The following GSE1 variants were observed in gnomAD, a reference collection of about 807,000 sequenced individuals.
The protein encoded by GSE1 is Gse1 coiled-coil protein.
In GSE1, 32 loss-of-function variants were observed where a neutral mutation model predicts 112.6. The ratio of observed to expected loss-of-function variants is 0.28; its 90% CI spans 0.21 to 0.38. The LOEUF is 0.38. Ranked by LOEUF, GSE1 falls within the 10% of genes least tolerant of loss-of-function variation. GSE1 has a pLI of 1.00. For missense variants in GSE1, 2,348 were observed against 1,699.2 expected (o/e 1.38, Z -6.71); for synonymous variants, 1,115 against 735.6 (o/e 1.52, Z -8.35).
chr16:85,522,249 C>G (rs1490278201), intron 2 of GSE1, among the ~76,000 whole-genome samples: 2 of 152,168 alleles, frequency 1.3e-5, no homozygotes, highest in East Asian at 3.9e-4. Flanking sequence ...TATCCCACCT[C>G]TTTCCCTGCA....
At chr16:85,203,205 T>C (rs970760511) in intron 1 of GSE1, among the ~76,000 whole-genome samples, 3 of 152,078 alleles carry the variant, frequency 2.0e-5, no homozygotes, top group Admixed American at 1.3e-4. Context: ...TTTGCTCCAC[T>C]GTCCTCCTCA....
intron 2 of GSE1, among the ~76,000 whole-genome samples, chr16:85,478,838 A>ATT (rs746356189): frequency 2.6e-4 from 33 of 124,856 alleles, no homozygotes; most frequent in East Asian, 1.5e-3. Flanking sequence ...CCGCTCATTT[A>ATT]TTTTCTTTCT....
rs1240219351 is a variant in GSE1, at chr16:85,188,253, G to A, written c.2283+16446G>A. ...CTGGGCACTGGGCAGCAGTCAGCGG[G>A]CACCTGCTGCCTGACCGTCTGTCTG... On this transcript the variant is annotated intron_variant, in intron 1 of 2. Coordinates refer to the GSE1 transcript ENST00000637419. Among the ~76,000 whole-genome samples, 11 of 140,940 alleles carry A rather than the reference G, an allele frequency of 7.8e-5. No individual in the cohort carries two copies. The East Asian group carries it at 1.3e-3, about 16-fold the overall frequency. 92.5% of individuals were successfully genotyped at this position (140,940 alleles called of 152,430 possible).
intron 2 of GSE1, among the ~76,000 whole-genome samples, chr16:85,495,283 G>C (rs1029000558): frequency 6.6e-5 from 10 of 152,038 alleles, no homozygotes; most frequent in Non-Finnish European, 1.0e-4. Flanking sequence ...AGGGTGGTGT[G>C]GGGGCGAGGA....
intron 1 of GSE1, among the ~76,000 whole-genome samples, chr16:85,238,200 C>A (rs550706727): frequency 1.3e-5 from 2 of 152,276 alleles, no homozygotes; most frequent in South Asian, 4.1e-4. Context: ...GTTTTCTCTG[C>A]CCAGGTTCTC....
chr16:85,649,511 CTG>C (rs1329958840), intron 3 of GSE1, among the ~76,000 whole-genome samples: 1 of 152,206 alleles, frequency 6.6e-6, no homozygotes, highest in African/African-American at 2.4e-5. Context: ...CTCCTTATGT[CTG>C]TGGGCCCCTC....
intron 1 of GSE1, among the ~76,000 whole-genome samples, chr16:85,283,850 C>T (rs1300370681): frequency 2.0e-5 from 3 of 152,190 alleles, no homozygotes; most frequent in African/African-American, 7.2e-5. Flanking sequence ...GCTGAGGCTG[C>T]ACAGCTAGGA....
intron 1 of GSE1, among the ~76,000 whole-genome samples, chr16:85,225,510 A>G (rs1431083464): frequency 1.3e-5 from 2 of 152,156 alleles, no homozygotes; most frequent in Non-Finnish European, 2.9e-5. Context: ...ACACTCCGTG[A>G]GAAGGGTCCC....
rs1567630683 is a variant in GSE1 at position 85,238,495 on chromosome 16, GCCC to G, written c.2283+66689_2283+66691del. ...GGAATCCCGAGCCTGCGTGAGGGCC[GCCC>G]TGGCCTCGGCGTGTGTCCTGGGAAG... On this transcript the variant is annotated intron_variant, in intron 1 of 2. Coordinates refer to the GSE1 transcript ENST00000637419. Among the ~76,000 whole-genome samples, 14 of 152,284 alleles carry G rather than the reference GCCC, an allele frequency of 9.2e-5. No individual in the cohort carries two copies. The East Asian group carries it at 2.7e-3, about 30-fold the overall frequency.
chr16:85,456,579 C>CGTGTGTGTGTGTGTGTGTGTGT lies in GSE1; in HGVS notation c.2464+98976_2464+98997dup, dbSNP rs35279881. On this transcript the variant is annotated intron_variant, in intron 2 of 2. Transcript: ENST00000637419. ...AGGGAGGGGAGGGTCATTTTCCTGC[C>CGTGTGTGTGTGTGTGTGTGTGT]GTGTGTGTGTGTGTGTGTGTGTGTG... Among the ~76,000 whole-genome samples the CGTGTGTGTGTGTGTGTGTGTGT allele has an allele frequency of 3.5e-4, 32 of 91,552 alleles. 2 individuals carry two copies. Among genetic ancestry groups the CGTGTGTGTGTGTGTGTGTGTGT allele is most frequent in the East Asian group, 1.1e-3 (3 of 2,812 alleles). 60.1% of individuals were successfully genotyped at this position (91,552 alleles called of 152,430 possible). A position where few individuals can be genotyped will look rare whatever the true frequency, so the allele number is the denominator to read the frequency against.
intron 1 of GSE1, among the ~76,000 whole-genome samples, chr16:85,219,454 G>A (rs894211935): frequency 1.3e-5 from 2 of 152,214 alleles, no homozygotes; most frequent in South Asian, 2.1e-4. Flanking sequence ...GAAGCTGCTG[G>A]CCTGGGGCTG....
chr16:85,230,829 G>GACT (rs1904277281), intron 1 of GSE1, among the ~76,000 whole-genome samples: 1 of 147,742 alleles, frequency 6.8e-6, no homozygotes, highest in Non-Finnish European at 1.5e-5. Flanking sequence ...GTGTGTGGAA[G>GACT]ACTAGATGGA....
intron 1 of GSE1, among the ~76,000 whole-genome samples, chr16:85,314,068 A>G (rs150869474): frequency 1.3e-3 from 202 of 151,306 alleles, no homozygotes; most frequent in African/African-American, 4.8e-3. Flanking sequence ...TGTGTGTATA[A>G]GACATAGCCA....
chr16:85,630,359 A>AT (rs1246336616), intron 1 of GSE1, among the ~76,000 whole-genome samples: 1 of 152,130 alleles, frequency 6.6e-6, no homozygotes, highest in Non-Finnish European at 1.5e-5. Flanking sequence ...CATTCTTTTT[A>AT]TTTTTTGAGA....
intron 1 of GSE1, among the ~76,000 whole-genome samples, chr16:85,351,584 T>C (rs1450849255): frequency 6.6e-6 from 1 of 152,064 alleles, no homozygotes; most frequent in Non-Finnish European, 1.5e-5. Flanking sequence ...TGTTCTGAAA[T>C]GGATGGTGGT....
intron 1 of GSE1, among the ~76,000 whole-genome samples, chr16:85,309,662 C>T (rs1302763824): frequency 6.6e-6 from 1 of 152,246 alleles, no homozygotes; most frequent in Non-Finnish European, 1.5e-5. Flanking sequence ...GTCCACCTCT[C>T]CTGCTCTGCA....
chr16:85,474,273 C>T (rs1442392504), intron 2 of GSE1, among the ~76,000 whole-genome samples: 3 of 152,068 alleles, frequency 2.0e-5, no homozygotes, highest in Non-Finnish European at 4.4e-5. Context: ...GCCTCCACCC[C>T]GCCGGCCCGT....
intron 1 of GSE1, among the ~76,000 whole-genome samples, chr16:85,626,466 CTTTA>C (rs1374105438): frequency 6.6e-6 from 1 of 152,206 alleles, no homozygotes; most frequent in Non-Finnish European, 1.5e-5. Flanking sequence ...GGGGGACGCC[CTTTA>C]TTTGTTCACA....
chr16:85,414,366 T>G (rs1416769142), intron 2 of GSE1, among the ~76,000 whole-genome samples: 2 of 152,238 alleles, frequency 1.3e-5, no homozygotes, highest in Non-Finnish European at 2.9e-5. Context: ...GGATTTCACA[T>G]TTTATATCAT....
Sources: gnomAD v4.1 joint callset for allele counts (sites outside exome capture counted in the v4.1 genomes callset) on GRCh38, gnomAD v4.1.1 for gene constraint, MANE v1.5 for transcripts, NCBI Gene and HGNC (gene_info 2026-07-23, HGNC 2026-07-21) for gene names.